The following ZNF362 variants were observed in gnomAD, a reference collection of about 807,000 sequenced individuals.
The protein encoded by ZNF362 is rotund homolog.
Under a neutral mutation model 42.9 loss-of-function variants are expected in ZNF362, and 11 were observed. That is an observed-to-expected ratio of 0.26 (90% CI 0.16 to 0.42). The LOEUF (loss-of-function observed/expected upper bound fraction) is 0.42, where lower values mean the gene tolerates loss of function less well. Among genes scored for constraint, ZNF362 ranks in the 20% least tolerant of loss-of-function variants. The pLI is 1.00. For synonymous variants in ZNF362, 255 were observed against 257.3 expected (o/e 0.99, Z 0.09); for missense variants, 362 against 576.2 (o/e 0.63, Z 3.81).
At chr1:33,270,440 C>CTAT in intron 1 of ZNF362, 47 bp from the exon 2 acceptor site, 1 of 616,336 alleles carries the variant, frequency 1.6e-6, no homozygotes, top group Non-Finnish European at 3.0e-6. Context: ...TGGCACTTTA[C>CTAT]TATTATTATT....
chr1:33,277,391 G>C (rs545240470), intron 4 of ZNF362, among the ~76,000 whole-genome samples: 1 of 152,344 alleles, frequency 6.6e-6, no homozygotes, highest in African/African-American at 2.4e-5. Flanking sequence ...GCTGAGTTCT[G>C]CTGAGGCTTC....
At chr1:33,239,191 G>A in the ZNF362 span, among the ~76,000 whole-genome samples, 1 of 152,168 alleles carries the variant, frequency 6.6e-6, no homozygotes, top group Non-Finnish European at 1.5e-5. Context: ...ACAGACAGTG[G>A]CAGCACACTC....
chr1:33,135,031 A>T, the ZNF362 span, among the ~76,000 whole-genome samples: 1 of 152,170 alleles, frequency 6.6e-6, no homozygotes, highest in Non-Finnish European at 1.5e-5. Context: ...TCATGCCTAT[A>T]ATCCCAGCAC....
At chr1:33,144,135 CT>C in the ZNF362 span, among the ~76,000 whole-genome samples, 20 of 146,568 alleles carry the variant, frequency 1.4e-4, no homozygotes, top group African/African-American at 4.5e-4. Flanking sequence ...AATGTTACTT[CT>C]TTTTTTTTTT....
chr1:33,198,171 T>C, the ZNF362 span, among the ~76,000 whole-genome samples: 1 of 152,002 alleles, frequency 6.6e-6, no homozygotes, highest in Non-Finnish European at 1.5e-5. Context: ...CAATAAAAAA[T>C]TACCAGGCAA....
chr1:33,148,009 C>T, the ZNF362 span, among the ~76,000 whole-genome samples: 5 of 152,136 alleles, frequency 3.3e-5, no homozygotes, highest in African/African-American at 1.2e-4. Context: ...TGGGCACTGG[C>T]AAATGTTTGT....
chr1:33,279,709 C>T (rs2148105642), intron 4 of ZNF362, among the ~76,000 whole-genome samples: 1 of 149,944 alleles, frequency 6.7e-6, no homozygotes, highest in East Asian at 2.0e-4. Context: ...TTCTTTCCTA[C>T]TTATTTTTTT....
the ZNF362 span, among the ~76,000 whole-genome samples, chr1:33,154,182 C>T: frequency 6.6e-6 from 1 of 152,200 alleles, no homozygotes; most frequent in Non-Finnish European, 1.5e-5. Context: ...AAAGATGGGC[C>T]GGGTGTGGTG....
At chr1:33,284,614 C>A (rs111843742) in intron 6 of ZNF362, among the ~76,000 whole-genome samples, 109 of 152,142 alleles carry the variant, frequency 7.2e-4, no homozygotes, top group African/African-American at 2.5e-3. Flanking sequence ...TAGTCCCCCT[C>A]CCACCCTCAC....
chr1:33,181,170 C>G, the ZNF362 span: 2 of 1,596,862 alleles, frequency 1.3e-6, no homozygotes, highest in Non-Finnish European at 1.7e-6. This position sits in a 1 kb window ranked among gnomAD's most constrained non-coding sequence, Gnocchi z 6.5. Flanking sequence ...TCGCGCGGCG[C>G]GGCGCGCGTT....
At chr1:33,192,883 T>G in the ZNF362 span, among the ~76,000 whole-genome samples, 1 of 151,956 alleles carries the variant, frequency 6.6e-6, no homozygotes, top group Non-Finnish European at 1.5e-5. Context: ...TTCCTATGAA[T>G]GTATAATTAT....
At chr1:33,154,044 A>C in the ZNF362 span, among the ~76,000 whole-genome samples, 1 of 152,226 alleles carries the variant, frequency 6.6e-6, no homozygotes, top group Non-Finnish European at 1.5e-5. Flanking sequence ...AAGGAGAGTA[A>C]GAGTTGGCCA....
the ZNF362 span, chr1:33,146,434 G>A: frequency 1.3e-5 from 2 of 159,220 alleles, no homozygotes; most frequent in East Asian, 3.7e-4. Context: ...GATCATCCAG[G>A]GAGGCTTGTC....
chr1:33,186,406 T>C, the ZNF362 span, among the ~76,000 whole-genome samples: 1 of 152,030 alleles, frequency 6.6e-6, no homozygotes, highest in Non-Finnish European at 1.5e-5. Flanking sequence ...GTGTGCTTGA[T>C]AAGCTTTGTT....
chr1:33,269,220 C>T (rs1375315706), intron 1 of ZNF362, among the ~76,000 whole-genome samples: 3 of 152,218 alleles, frequency 2.0e-5, no homozygotes. Flanking sequence ...CTGGACCCTC[C>T]ATCTGTTCCC....
chr1:33,299,016 C>T lies in ZNF362; in HGVS notation c.1233C>T (p.Pro411=), dbSNP rs55887741. 10,621 of 1,611,584 alleles carry T rather than the reference C, an allele frequency of 6.6e-3. 55 individuals carry two copies. Among genetic ancestry groups the T allele is most frequent in the Non-Finnish European group, 8.4e-3 (9,911 of 1,179,970 alleles). The change falls in exon 9 of 9, where the codon CCC becomes CCT. Residue 411 remains proline, a synonymous_variant. Transcript: ENST00000539719. ...SHHSPQRTES[P]GIPVRISLI ...ACTCGCCCCAGAGGACGGAGTCCCC[C>T]GGCATCCCGGTGCGAATCTCTCTCA...
At chr1:33,246,800 G>A in the ZNF362 span, among the ~76,000 whole-genome samples, 2 of 152,152 alleles carry the variant, frequency 1.3e-5, no homozygotes, top group Non-Finnish European at 2.9e-5. Context: ...CTCCATCCCT[G>A]AAGTTGCTAT....
chr1:33,227,865 T>C, the ZNF362 span, among the ~76,000 whole-genome samples: 4 of 152,180 alleles, frequency 2.6e-5, no homozygotes, highest in African/African-American at 9.6e-5. Context: ...GGGATCTTTT[T>C]TTTTTCCCAC....
At chr1:33,195,586 A>G in the ZNF362 span, 3 of 152,216 alleles carry the variant, frequency 2.0e-5, no homozygotes, top group African/African-American at 4.8e-5. Context: ...ACTGTATTGA[A>G]TACTGTTGGC....
Sources: gnomAD v4.1 joint callset for allele counts (sites outside exome capture counted in the v4.1 genomes callset) on GRCh38, gnomAD v4.1.1 for gene constraint, Gnocchi (gnomAD v3.1) non-coding constraint, MANE v1.5 for transcripts, NCBI Gene and HGNC (gene_info 2026-07-23, HGNC 2026-07-21) for gene names.